CACNA2D3: variants seen among roughly 807,000 people sequenced by gnomAD.
CACNA2D3 encodes calcium voltage-gated channel auxiliary subunit alpha2delta 3.
CACNA2D3 carries 60 observed loss-of-function variants against 160.6 expected under a neutral mutation model. That is an observed-to-expected ratio of 0.37 (90% CI 0.30 to 0.46). The LOEUF is 0.46. Among genes scored for constraint, CACNA2D3 ranks in the 20% least tolerant of loss-of-function variants. The probability of loss-of-function intolerance (pLI) is 1.00; values close to 1 mark genes in which losing one functional copy is unlikely to be tolerated. For missense variants in CACNA2D3, 1,205 were observed against 1,365.0 expected, an observed-to-expected ratio of 0.88 and a Z score of 1.85; for synonymous variants, 558 against 492.9, an observed-to-expected ratio of 1.13 and a Z score of -1.75.
intron 26 of CACNA2D3, among the ~76,000 whole-genome samples, chr3:54,898,730 AT>A (rs1422691703): frequency 6.6e-6 from 1 of 152,152 alleles, no homozygotes; most frequent in African/African-American, 2.4e-5. Context: ...CTGTTGTTGG[AT>A]TGGTTTTTGG....
At chr3:54,352,003 T>C (rs1031645896) in intron 3 of CACNA2D3, among the ~76,000 whole-genome samples, 2 of 152,244 alleles carry the variant, frequency 1.3e-5, no homozygotes, top group African/African-American at 2.4e-5. Flanking sequence ...CTGGTCTTCA[T>C]GGCTATTGGT....
intron 4 of CACNA2D3, among the ~76,000 whole-genome samples, chr3:54,499,860 T>C (rs934329652): frequency 2.6e-5 from 4 of 152,186 alleles, no homozygotes; most frequent in African/African-American, 9.6e-5. Context: ...GAAGAATGTG[T>C]ATTCTTCTCT....
At chr3:54,697,484 C>T (rs2106942341) in intron 11 of CACNA2D3, among the ~76,000 whole-genome samples, 1 of 152,240 alleles carries the variant, frequency 6.6e-6, no homozygotes, top group Non-Finnish European at 1.5e-5. Flanking sequence ...CCTACAGTTT[C>T]CAAGGACAAG....
chr3:54,289,890 C>T (rs1237331429), intron 2 of CACNA2D3, among the ~76,000 whole-genome samples: 1 of 152,004 alleles, frequency 6.6e-6, no homozygotes, highest in Non-Finnish European at 1.5e-5. Flanking sequence ...TTCCTTACAC[C>T]TTATACAAAA....
chr3:54,692,099 G>A (rs984198726), intron 11 of CACNA2D3, among the ~76,000 whole-genome samples: 1 of 151,898 alleles, frequency 6.6e-6, no homozygotes, highest in Admixed American at 6.6e-5. Flanking sequence ...TCAGCCTCCC[G>A]AGTAGCTGGG....
At chr3:54,288,017 A>G (rs1266165031) in intron 2 of CACNA2D3, among the ~76,000 whole-genome samples, 1 of 152,032 alleles carries the variant, frequency 6.6e-6, no homozygotes, top group Non-Finnish European at 1.5e-5. Flanking sequence ...AAAGAACTAG[A>G]AAAGCAAGAG....
At chr3:54,543,025 A>G (rs1447230698) in intron 5 of CACNA2D3, among the ~76,000 whole-genome samples, 3 of 152,242 alleles carry the variant, frequency 2.0e-5, no homozygotes, top group Non-Finnish European at 2.9e-5. Flanking sequence ...GTGAAGACAC[A>G]GGCTTCACCT....
At chr3:54,124,718 A>G (rs1193146123) in intron 2 of CACNA2D3, among the ~76,000 whole-genome samples, 1 of 152,216 alleles carries the variant, frequency 6.6e-6, no homozygotes. Flanking sequence ...CCACCATGGA[A>G]TGACAAAAGT....
intron 2 of CACNA2D3, among the ~76,000 whole-genome samples, chr3:54,222,399 C>T (rs1050136053): frequency 1.3e-5 from 2 of 152,192 alleles, no homozygotes; most frequent in African/African-American, 4.8e-5. Flanking sequence ...AAACCAATGT[C>T]CCAGCTCAAG....
intron 4 of CACNA2D3, among the ~76,000 whole-genome samples, chr3:54,411,428 T>A (rs1413466174): frequency 1.3e-5 from 2 of 152,178 alleles, no homozygotes; most frequent in Non-Finnish European, 2.9e-5. Context: ...CTCCAACCTT[T>A]AGCAACCATC....
intron 35 of CACNA2D3, among the ~76,000 whole-genome samples, chr3:55,060,620 T>C (rs557193576): frequency 6.6e-6 from 1 of 152,294 alleles, no homozygotes; most frequent in East Asian, 1.9e-4. Context: ...AAACACTCCG[T>C]AAATGTTAGC....
chr3:55,001,734 A>G (rs1297371159), intron 31 of CACNA2D3, among the ~76,000 whole-genome samples: 3 of 152,304 alleles, frequency 2.0e-5, no homozygotes, highest in Non-Finnish European at 2.9e-5. Context: ...GATCTTAACA[A>G]CGTTGGCACA....
At chr3:54,533,821 G>C (rs1251473934) in intron 5 of CACNA2D3, among the ~76,000 whole-genome samples, 1 of 130,002 alleles carries the variant, frequency 7.7e-6, no homozygotes, top group Non-Finnish European at 1.6e-5. Flanking sequence ...GTGTGTGTGT[G>C]TGTGTGTTAA....
intron 27 of CACNA2D3, among the ~76,000 whole-genome samples, chr3:54,915,473 A>G (rs557343638): frequency 1.3e-5 from 2 of 152,360 alleles, no homozygotes; most frequent in African/African-American, 2.4e-5. Flanking sequence ...CAAGGCTTCT[A>G]TGACAGAAGG....
At chr3:54,801,372 A>G (rs1294126441) in intron 13 of CACNA2D3, among the ~76,000 whole-genome samples, 2 of 152,142 alleles carry the variant, frequency 1.3e-5, no homozygotes, top group Non-Finnish European at 2.9e-5. Flanking sequence ...TCAGAGTGTA[A>G]CTTGGGACAA....
At chr3:54,629,786 C>A (rs540053844) in intron 10 of CACNA2D3, among the ~76,000 whole-genome samples, 4 of 152,170 alleles carry the variant, frequency 2.6e-5, no homozygotes, top group Non-Finnish European at 4.4e-5. Flanking sequence ...AATTCCCTCT[C>A]GTTTTATCTC....
At chr3:54,449,840 CTCTTT>C (rs1383379850) in intron 4 of CACNA2D3, among the ~76,000 whole-genome samples, 2 of 152,288 alleles carry the variant, frequency 1.3e-5, no homozygotes, top group Middle Eastern at 3.4e-3. Context: ...CCATTTAAAC[CTCTTT>C]TCTTATAACT....
intron 24 of CACNA2D3, among the ~76,000 whole-genome samples, chr3:54,889,646 A>C (rs1472009363): frequency 6.6e-6 from 1 of 152,160 alleles, no homozygotes; most frequent in African/African-American, 2.4e-5. Context: ...AAATGACTGA[A>C]AGTCTCCCAA....
At chr3:54,379,678 AT>A (rs1699067849) in intron 3 of CACNA2D3, among the ~76,000 whole-genome samples, 1 of 152,118 alleles carries the variant, frequency 6.6e-6, no homozygotes, top group African/African-American at 2.4e-5. Context: ...TTTCCAGAAC[AT>A]TTTCTTACCT....
Sources: allele counts gnomAD v4.1 joint callset (sites outside exome capture counted in the v4.1 genomes callset), GRCh38; gene constraint gnomAD v4.1.1; transcripts MANE v1.5; gene names NCBI Gene and HGNC (gene_info 2026-07-23, HGNC 2026-07-21).